TJP1: variants seen among roughly 807,000 people sequenced by gnomAD.
TJP1 encodes the protein tight junction protein ZO-1.
Under a neutral mutation model 194.2 loss-of-function variants are expected in TJP1, and 43 were observed. The observed-to-expected ratio is 0.22, with a 90% CI of 0.17 to 0.29. The LOEUF is 0.29. Among genes scored for constraint, TJP1 ranks in the 10% least tolerant of loss-of-function variants. The pLI is 1.00. For synonymous variants in TJP1, 801 were observed against 779.0 expected (o/e 1.03, Z -0.47); for missense variants, 1,971 against 2,185.7 (o/e 0.90, Z 1.96).
At chr15:29,716,299 G>A (rs956073614) in intron 23 of TJP1, among the ~76,000 whole-genome samples, 3 of 152,218 alleles carry the variant, frequency 2.0e-5, no homozygotes, top group African/African-American at 7.2e-5. Context: ...GAACCAGCAT[G>A]ACATCATTAG....
At chr15:29,836,712 G>A (rs554093746) in intron 2 of TJP1, among the ~76,000 whole-genome samples, 6 of 152,158 alleles carry the variant, frequency 3.9e-5, no homozygotes, top group African/African-American at 4.8e-5. Flanking sequence ...TTATGAAGTG[G>A]GGCCTTCAGA....
chr15:29,763,571 CAGCCTGGCT>C (rs1256537085), intron 5 of TJP1, among the ~76,000 whole-genome samples: 2 of 151,730 alleles, frequency 1.3e-5, no homozygotes, highest in Non-Finnish European at 2.9e-5. Context: ...AGTTCGAGAC[CAGCCTGGCT>C]AGCATGGTAA....
intron 1 of TJP1, among the ~76,000 whole-genome samples, chr15:29,815,634 G>A (rs906470049): frequency 2.8e-4 from 43 of 152,216 alleles, no homozygotes; most frequent in African/African-American, 9.2e-4. Context: ...TGAATTTACA[G>A]CTGGACTCAT....
At chr15:29,730,826 G>A (rs2043593513) in intron 15 of TJP1, 1 of 967,540 alleles carries the variant, frequency 1.0e-6, no homozygotes, top group African/African-American at 1.6e-5. Context: ...CAAAGCCAGA[G>A]CCCAAGCCTA....
intron 1 of TJP1, among the ~76,000 whole-genome samples, chr15:29,960,264 T>A (rs985440338): frequency 6.6e-6 from 1 of 152,154 alleles, no homozygotes; most frequent in Non-Finnish European, 1.5e-5. Context: ...GTTAACTCAA[T>A]GTAATACTAA....
chr15:29,766,936 A>T (rs1295495809), intron 4 of TJP1, among the ~76,000 whole-genome samples: 1 of 152,234 alleles, frequency 6.6e-6, no homozygotes, highest in Non-Finnish European at 1.5e-5. Context: ...GCAAACTTCC[A>T]TGCCCAACTT....
chr15:29,829,083 T>C lies in TJP1; in HGVS notation c.307-28381A>G, dbSNP rs74972010. 6.1e-3 allele frequency among the ~76,000 whole-genome samples: 925 copies of C among 152,282 alleles called. 8 individuals carry two copies. The highest frequency in any genetic ancestry group is 0.021 in the African/African-American group (874 of 41,544). On this transcript the variant is annotated intron_variant, in intron 2 of 28. Transcript: ENST00000356107. Reference sequence around the variant, plus strand: ...CTAAGTCTTGGCTCTTGGCCGGCTCTATGTGTGTGTGTTAAGTACAATTTG... The same window carrying C: ...CTAAGTCTTGGCTCTTGGCCGGCTCCATGTGTGTGTGTTAAGTACAATTTG...
chr15:29,788,942 A>T (rs2047889291), intron 2 of TJP1, among the ~76,000 whole-genome samples: 1 of 152,212 alleles, frequency 6.6e-6, no homozygotes, highest in Non-Finnish European at 1.5e-5. Flanking sequence ...TACGATAAGC[A>T]TCAGACTTGT....
chr15:29,750,902 T>C (rs1383156070), intron 8 of TJP1, among the ~76,000 whole-genome samples: 1 of 152,208 alleles, frequency 6.6e-6, no homozygotes, highest in Non-Finnish European at 1.5e-5. Context: ...CAACCACAAT[T>C]AACAATAAAA....
intron 10 of TJP1, among the ~76,000 whole-genome samples, chr15:29,740,574 G>GT (rs1204675526): frequency 6.6e-6 from 1 of 151,962 alleles, no homozygotes; most frequent in African/African-American, 2.4e-5. Context: ...AGAGGTTGCA[G>GT]TTAGCCGAGA....
intron 18 of TJP1, among the ~76,000 whole-genome samples, chr15:29,725,247 C>G (rs902702198): frequency 1.3e-5 from 2 of 152,184 alleles, no homozygotes; most frequent in Non-Finnish European, 1.5e-5. Flanking sequence ...GTCCATCCCC[C>G]AGACTGGTTC....
chr15:29,770,505 G>C (rs1358590834), intron 4 of TJP1, among the ~76,000 whole-genome samples: 1 of 151,140 alleles, frequency 6.6e-6, no homozygotes, highest in Non-Finnish European at 1.5e-5. Context: ...GCCTCCATCA[G>C]GAGATCGACA....
chr15:29,909,025 T>C (rs183571178), intron 2 of TJP1, among the ~76,000 whole-genome samples: 2,082 of 150,970 alleles, frequency 0.014, 39 homozygotes, highest in Middle Eastern at 0.034. Flanking sequence ...GGTGTGGTGG[T>C]GGGCGCCTGT....
intron 2 of TJP1, among the ~76,000 whole-genome samples, chr15:29,842,266 C>T (rs1199291712): frequency 6.6e-6 from 1 of 152,172 alleles, no homozygotes; most frequent in African/African-American, 2.4e-5. Flanking sequence ...CCAAACGCTT[C>T]TAACTATTAA....
chr15:29,872,652 A>G (rs200978417), intron 2 of TJP1, among the ~76,000 whole-genome samples: 8 of 151,954 alleles, frequency 5.3e-5, no homozygotes, highest in African/African-American at 1.9e-4. Flanking sequence ...CGATGGAAAA[A>G]AGCAAGAACT....
intron 27 of TJP1, among the ~76,000 whole-genome samples, 199 bp from the exon 28 acceptor site, chr15:29,701,888 T>G (rs556785701): frequency 8.1e-4 from 123 of 152,366 alleles, no homozygotes; most frequent in African/African-American, 2.9e-3. Context: ...GTTTCACACT[T>G]CTAAAAAAAT....
intron 2 of TJP1, among the ~76,000 whole-genome samples, chr15:29,908,170 G>A (rs1362725246): frequency 2.7e-5 from 4 of 147,938 alleles, no homozygotes; most frequent in African/African-American, 5.0e-5. Flanking sequence ...CCCAAATTTC[G>A]AAGGACATTT....
intron 2 of TJP1, among the ~76,000 whole-genome samples, chr15:29,845,663 G>A (rs1230018404): frequency 6.6e-6 from 1 of 152,068 alleles, no homozygotes; most frequent in Non-Finnish European, 1.5e-5. Context: ...AAATTAGCCG[G>A]GCGTGGTGGC....
chr15:29,892,710 T>C (rs866725701), intron 2 of TJP1, among the ~76,000 whole-genome samples: 16 of 152,182 alleles, frequency 1.1e-4, no homozygotes, highest in South Asian at 6.2e-4. Flanking sequence ...GTTTACAGCA[T>C]GGTTGGTTGA....
Sources: gnomAD v4.1 joint callset for allele counts (sites outside exome capture counted in the v4.1 genomes callset) on GRCh38, gnomAD v4.1.1 for gene constraint, MANE v1.5 for transcripts, NCBI Gene and HGNC (gene_info 2026-07-23, HGNC 2026-07-21) for gene names.